SETD7: variants seen among roughly 807,000 people sequenced by gnomAD.
SETD7 encodes SET domain containing 7, histone lysine methyltransferase, also known as histone-lysine N-methyltransferase SETD7.
SETD7 carries 16 observed loss-of-function variants against 41.8 expected under a neutral mutation model. The ratio of observed to expected loss-of-function variants is 0.38; its 90% CI spans 0.26 to 0.58. The LOEUF is 0.58. Ranked by LOEUF, SETD7 falls within the 20% of genes least tolerant of loss-of-function variation. SETD7 has a pLI of 0.64. For missense variants in SETD7, 346 were observed against 459.7 expected, an observed-to-expected ratio of 0.75 and a Z score of 2.26; for synonymous variants, 163 against 169.7, an observed-to-expected ratio of 0.96 and a Z score of 0.31.
chr4:139,532,637 A>G (rs1165487408), intron 3 of SETD7: 1 of 154,982 alleles, frequency 6.5e-6, no homozygotes, highest in Non-Finnish European at 1.4e-5. Flanking sequence ...GCTATCAAAT[A>G]CTCAAAGGTA....
intron 1 of SETD7, among the ~76,000 whole-genome samples, chr4:139,553,661 A>G (rs759552689): frequency 6.6e-6 from 1 of 152,208 alleles, no homozygotes; most frequent in South Asian, 2.1e-4. Context: ...ATAAGACTGA[A>G]TAAGACTGAA....
chr4:139,533,439 C>A, intron 2 of SETD7, 73 bp from the exon 3 acceptor site: 1 of 1,277,032 alleles, frequency 7.8e-7, no homozygotes, highest in Non-Finnish European at 1.1e-6. Flanking sequence ...GGATCATATC[C>A]AAGGAACTGC....
chr4:139,525,541 T>TA (rs1475601131), intron 4 of SETD7, among the ~76,000 whole-genome samples: 2 of 152,336 alleles, frequency 1.3e-5, no homozygotes, highest in Non-Finnish European at 2.9e-5. Context: ...GGAAAGCAGT[T>TA]ACTATGTGGA....
rs147068285 is a variant in SETD7 at position 139,547,002 on chromosome 4, A to C, written c.88T>G (p.Tyr30Asp). The stretch of plus-strand genomic sequence containing the variant: ...CCCTCAAATCTGTCTGTGGAGGAGT[A>C]GGTGACTGTGCAGAACCCGTGCGGT... Reference protein sequence around the residue: ...GLPHGFCTVTYSSTDRFEGNF... With the variant: ...GLPHGFCTVTDSSTDRFEGNF... The change falls in exon 2 of 8, where the codon TAC becomes GAC. Residue 30 changes from tyrosine to aspartate, a missense_variant. Tyr to Asp is a radical substitution (Grantham distance 160). Coordinates refer to ENST00000274031, the MANE Select transcript of SETD7 (RefSeq NM_030648.4). 10 of 1,614,084 alleles carry C rather than the reference A, an allele frequency of 6.2e-6. No homozygotes were observed. In the African/African-American group the frequency reaches 9.3e-5, roughly 15 times the overall value.
chr4:139,515,664 C>T (rs1423609369), intron 7 of SETD7, among the ~76,000 whole-genome samples: 1 of 152,166 alleles, frequency 6.6e-6, no homozygotes, highest in African/African-American at 2.4e-5. Context: ...CCATTTCTAC[C>T]CGTCCTTTAA....
At chr4:139,501,688 T>C (rs1388714482), downstream of SETD7, among the ~76,000 whole-genome samples, 2 of 152,190 alleles carry the variant, frequency 1.3e-5, no homozygotes, top group Non-Finnish European at 2.9e-5. Context: ...TAGAAAGTGC[T>C]TTGTGCACAT....
Position 139,510,971 on chromosome 4 carries a change from C to T in SETD7, c.*692G>A, listed in dbSNP as rs1726853716. On this transcript the variant is annotated 3_prime_UTR_variant, in exon 8 of 8. Coordinates refer to ENST00000274031, the MANE Select transcript of SETD7 (RefSeq NM_030648.4). ...AATACCCTGGCCCTATGAGCCAGTACTTTATATTAGGACATAATAATAAAA... is the reference window on the plus strand; with the variant it reads ...AATACCCTGGCCCTATGAGCCAGTATTTTATATTAGGACATAATAATAAAA... The T allele has an allele frequency of 6.6e-6, 1 of 152,592 alleles. No individual in the cohort carries two copies. The highest frequency in any genetic ancestry group is 2.1e-4 in the South Asian group (1 of 4,828). The allele number at this position is 152,592 out of a possible 1,614,324, so 9.5% of individuals were successfully genotyped here.
chr4:139,499,602 C>A (rs1161755026), intron 7 of SETD7, among the ~76,000 whole-genome samples: 1 of 152,146 alleles, frequency 6.6e-6, no homozygotes, highest in East Asian at 1.9e-4. Context: ...GTTTAGACAC[C>A]CCTGTGATTT....
downstream of SETD7, among the ~76,000 whole-genome samples, chr4:139,505,367 T>C (rs1052556231): frequency 6.6e-6 from 1 of 152,288 alleles, no homozygotes; most frequent in South Asian, 2.1e-4. Flanking sequence ...GGCAGGCAGA[T>C]CACTTGAGGT....
chr4:139,551,601 C>T (rs182810185), intron 1 of SETD7, among the ~76,000 whole-genome samples: 20 of 151,982 alleles, frequency 1.3e-4, no homozygotes, highest in African/African-American at 4.6e-4. Context: ...GATCAGACAC[C>T]CAGCTGCTTA....
chr4:139,540,036 C>T (rs931150059), intron 2 of SETD7, among the ~76,000 whole-genome samples: 1 of 152,134 alleles, frequency 6.6e-6, no homozygotes, highest in South Asian at 2.1e-4. Context: ...AGACACTCTC[C>T]TAATAATTAT....
intron 4 of SETD7, 82 bp from the exon 5 acceptor site, chr4:139,523,517 C>G: frequency 1.9e-6 from 2 of 1,035,158 alleles, no homozygotes; most frequent in Non-Finnish European, 1.4e-6. Context: ...CATGGGACAA[C>G]GAAGAGTTAA....
chr4:139,496,856 G>T (rs1410861963), intron 7 of SETD7, among the ~76,000 whole-genome samples: 1 of 152,020 alleles, frequency 6.6e-6, no homozygotes. Flanking sequence ...ATCGTACTTA[G>T]ATAAGTTGTG....
intron 3 of SETD7, chr4:139,532,809 TAGC>T: frequency 3.1e-6 from 1 of 319,596 alleles, no homozygotes; most frequent in South Asian, 4.4e-5. Flanking sequence ...ATAAAACTAA[TAGC>T]AACAATGAAA....
chr4:139,503,658 A>T (rs1726633174), downstream of SETD7, among the ~76,000 whole-genome samples: 1 of 150,592 alleles, frequency 6.6e-6, no homozygotes, highest in Non-Finnish European at 1.5e-5. Flanking sequence ...AATTATTTTT[A>T]AAAATCCATT....
intron 2 of SETD7, among the ~76,000 whole-genome samples, chr4:139,540,626 T>C (rs1179772460): frequency 6.6e-6 from 1 of 152,234 alleles, no homozygotes; most frequent in Non-Finnish European, 1.5e-5. Context: ...CAGATTGTTA[T>C]GAAGACCACG....
intron 7 of SETD7, among the ~76,000 whole-genome samples, chr4:139,500,442 T>C (rs969827822): frequency 3.3e-5 from 5 of 152,370 alleles, no homozygotes; most frequent in Non-Finnish European, 7.3e-5. Flanking sequence ...CTAACAGCAA[T>C]TACAATTTCA....
intron 2 of SETD7, among the ~76,000 whole-genome samples, chr4:139,540,859 G>C (rs1215723524): frequency 6.6e-6 from 1 of 152,152 alleles, no homozygotes; most frequent in Non-Finnish European, 1.5e-5. Flanking sequence ...TCAGAAATCC[G>C]ATCCAACTCC....
At chr4:139,532,818 T>C (rs1018215703) in intron 3 of SETD7, 1 of 330,038 alleles carries the variant, frequency 3.0e-6, no homozygotes, top group Non-Finnish European at 5.6e-6. Flanking sequence ...ATAGCAACAA[T>C]GAAAATTTCC....
Sources: allele counts gnomAD v4.1 joint callset (sites outside exome capture counted in the v4.1 genomes callset), GRCh38; gene constraint gnomAD v4.1.1; transcripts MANE v1.5; gene names NCBI Gene and HGNC (gene_info 2026-07-23, HGNC 2026-07-21).